MYO7B: variants seen among roughly 807,000 people sequenced by gnomAD.
The protein encoded by MYO7B is myosin VIIB, also known as unconventional myosin-VIIb.
A neutral mutation model predicts 259.7 loss-of-function variants in MYO7B; 212 were observed. That is an observed-to-expected ratio of 0.82 (90% CI 0.73 to 0.91). The LOEUF (loss-of-function observed/expected upper bound fraction) is 0.91, where lower values mean the gene tolerates loss of function less well. Ranked by LOEUF, MYO7B falls within the 40% of genes least tolerant of loss-of-function variation. The pLI is 0.00. For synonymous variants in MYO7B, 1,197 were observed against 1,166.4 expected (o/e 1.03, Z -0.54); for missense variants, 2,732 against 2,813.5 (o/e 0.97, Z 0.66).
Position 127,607,335 on chromosome 2 carries a change from G to A in MYO7B, c.2554G>A (p.Val852Ile). 1 of 1,551,478 alleles carries A rather than the reference G, an allele frequency of 6.4e-7. No homozygotes were observed. Among genetic ancestry groups the A allele is most frequent in the African/African-American group, 1.4e-5 (1 of 73,192 alleles). Residue 852 changes from valine to isoleucine, a missense_variant, in exon 21 of 48, where the codon GTC becomes ATC. Transcript: ENST00000409816. The surrounding 1 kb of genome is among the most constrained non-coding windows in gnomAD (Gnocchi z 4.4). ...CAGGGGATACCTGGTGCGCCAGCAA[G>A]TCCAGGCCAAGAGGAGGGCAGTGGT... is the stretch of plus-strand genomic sequence containing the variant. ...LCRGYLVRQQ[V>I]QAKRRAVVVI...
At position 127,581,971 on chromosome 2, in the gene MYO7B, C is replaced by G. The variant is rs1189578714; in HGVS notation, c.1161C>G (p.Asn387Lys). 6.2e-7 allele frequency: 1 copy of G among 1,613,972 alleles called. No homozygotes were observed. The highest frequency in any genetic ancestry group is 1.1e-5 in the South Asian group (1 of 91,090). The change falls in exon 11 of 48, where the codon AAC becomes AAG. Residue 387 changes from asparagine to lysine, a missense_variant. Around this residue, in one of 3 missense-constraint regions of MYO7B, gnomAD observed 1,906 missense variants for 2,026.4 expected, o/e 0.94. Transcript: ENST00000409816. ...IRGEFVTRSL[N>K]IAQAADRRDA... The stretch of plus-strand genomic sequence containing the variant: ...GGGAATTTGTCACCAGGTCCCTGAA[C>G]ATTGCCCAGGCTGCTGACCGGAGGG...
rs112230898 is a variant in MYO7B, at chr2:127,623,828, C to T, written c.3820-265C>T. 6.5e-3 allele frequency among the ~76,000 whole-genome samples: 990 copies of T among 152,320 alleles called. 12 individuals are homozygous for T. The highest frequency in any genetic ancestry group is 0.021 in the African/African-American group (893 of 41,568). On this transcript the variant is annotated intron_variant, in intron 29 of 47. Transcript: ENST00000409816. ...TCACACACCAGTCATCCAACCGAGG[C>T]GCCGGATGAGTCACATCGGCCAGAC...
Position 127,628,040 on chromosome 2 carries a change from A to C in MYO7B, c.4461-332A>C. On this transcript the variant is annotated intron_variant, in intron 33 of 47. Transcript: ENST00000409816. This position sits in a 1 kb window ranked among gnomAD's most constrained non-coding sequence, Gnocchi z 4.8. ...GAAGCACGCCGAGGTTAGGTGGCTC[A>C]GAGTAAGCACATGGCAGAGCCGGCA... 1.9e-6 allele frequency: 1 copy of C among 529,488 alleles called. No homozygotes were observed. Among genetic ancestry groups the C allele is most frequent in the Non-Finnish European group, 3.6e-6 (1 of 274,648 alleles). The allele number at this position is 529,488 out of a possible 1,614,324, so 32.8% of individuals were successfully genotyped here.
At position 127,551,894 on chromosome 2, in the gene MYO7B, G is replaced by T. The variant is rs12464981; in HGVS notation, c.-23-7806G>T. Among the ~76,000 whole-genome samples the T allele has an allele frequency of 5.3e-5, 8 of 152,112 alleles. No individual in the cohort carries two copies. The East Asian group carries it at 9.7e-4, about 18-fold the overall frequency. ...AAACAGCTGACTGGGGCCTAAAGAA[G>T]GATCTCTGGACACTGCTGAAGGCCT... On this transcript the variant is annotated intron_variant, in intron 1 of 47. Coordinates refer to ENST00000409816, the MANE Select transcript of MYO7B (RefSeq NM_001393586.1).
chr2:127,579,574 ATTTGTTTG>A (rs34233331), intron 9 of MYO7B, among the ~76,000 whole-genome samples: 5 of 150,490 alleles, frequency 3.3e-5, no homozygotes, highest in Non-Finnish European at 5.9e-5. Context: ...CTAACATAAC[ATTTGTTTG>A]TTTGTTTGTT....
chr2:127,570,044 A>C, intron 6 of MYO7B, 134 bp downstream of exon 6: 3 of 1,133,720 alleles, frequency 2.6e-6, no homozygotes, highest in Non-Finnish European at 2.4e-6. Context: ...CACAAAACAC[A>C]AGGGTGGGGT....
chr2:127,596,506 A>G lies in MYO7B; in HGVS notation c.2289A>G (p.Leu763=), dbSNP rs1453993699. ...TGGAGGTACAGAGAAGCCAGGTGCT[A>G]GACAGAGCGGCGCTCAGCATCCAGA... The part of the protein sequence containing the change: ...TLLEVQRSQV[L]DRAALSIQKV... The change falls in exon 19 of 48, where the codon CTA becomes CTG. Residue 763 remains leucine (L), a synonymous_variant. Transcript: ENST00000409816. 1.2e-6 allele frequency: 2 copies of G among 1,613,642 alleles called. No homozygotes were observed. The highest frequency in any genetic ancestry group is 2.7e-5 in the African/African-American group (2 of 74,924).
At chr2:127,542,111 C>T (rs145342340) in intron 1 of MYO7B, among the ~76,000 whole-genome samples, 48 of 152,348 alleles carry the variant, frequency 3.2e-4, no homozygotes, top group Admixed American at 7.2e-4. Context: ...GAGAACATCT[C>T]GCAGGGACAT....
At chr2:127,552,093 A>G (rs962173673) in intron 1 of MYO7B, among the ~76,000 whole-genome samples, 3 of 152,160 alleles carry the variant, frequency 2.0e-5, no homozygotes, top group South Asian at 2.1e-4. Flanking sequence ...CACGTCATGT[A>G]TGCTTCCTTC....
intron 19 of MYO7B, among the ~76,000 whole-genome samples, chr2:127,604,959 A>T (rs1680109184): frequency 6.6e-6 from 1 of 152,266 alleles, no homozygotes. Flanking sequence ...TTATACAGAC[A>T]TGAAGTGACC....
In MYO7B at chr2:127,586,618, A is replaced by G. The variant is rs1007520430; in HGVS notation, c.1690+1705A>G. On this transcript the variant is annotated intron_variant, in intron 14 of 47. Coordinates refer to ENST00000409816, the MANE Select transcript of MYO7B (RefSeq NM_001393586.1). This position sits in a 1 kb window ranked among gnomAD's most constrained non-coding sequence, Gnocchi z 4.8. ...TGCAGGGTCCTGGGACGCAAAGAAG[A>G]TACCGAGCCCATCCTCCATGGGGCA... 6.6e-6 allele frequency among the ~76,000 whole-genome samples: 1 copy of G among 152,180 alleles called. No individual in the cohort carries two copies. The highest frequency in any genetic ancestry group is 1.5e-5 in the Non-Finnish European group (1 of 68,034).
In MYO7B at chr2:127,636,410, A is replaced by G; in HGVS notation, c.6123+86A>G. On this transcript the variant is annotated intron_variant, in intron 45 of 47. Transcript: ENST00000409816. This position sits in a 1 kb window ranked among gnomAD's most constrained non-coding sequence, Gnocchi z 4.5. ...GCAGGCCCAGCGTCAACCAGCACAC[A>G]TCTTGGGTGGGGCTGGCCGTGAGGC... The G allele has an allele frequency of 5.5e-6, 8 of 1,451,172 alleles. No homozygotes were observed. The highest frequency in any genetic ancestry group is 1.4e-5 in the African/African-American group (1 of 71,548). The allele number at this position is 1,451,172 out of a possible 1,614,324, so 89.9% of individuals were successfully genotyped here.
At position 127,612,571 on chromosome 2, in the gene MYO7B, C is replaced by T. The variant is rs376503815; in HGVS notation, c.3366C>T (p.Ile1122=). The T allele has an allele frequency of 5.0e-5, 80 of 1,607,048 alleles. No homozygotes were observed. Among genetic ancestry groups the T allele is most frequent in the Non-Finnish European group, 6.4e-5 (75 of 1,177,152 alleles). ...CCAACCTGGAGAAGGTGCACTTCAT[C>T]GTGGGCTACGCCATCCTGCGGCCCA... ...PMSNLEKVHF[I]VGYAILRPSL... is the part of the protein sequence containing the mutation. The change falls in exon 26 of 48, where the codon ATC becomes ATT. Residue 1122 remains isoleucine, a synonymous_variant. Transcript: ENST00000409816.
chr2:127,575,025 C>T (rs949512708), intron 7 of MYO7B, among the ~76,000 whole-genome samples: 1 of 152,124 alleles, frequency 6.6e-6, no homozygotes, highest in Non-Finnish European at 1.5e-5. Context: ...AATGAGTGCA[C>T]ACACACAGAA....
At position 127,576,576 on chromosome 2, in the gene MYO7B, T is replaced by A; in HGVS notation, c.736-19T>A. ...GAATGGCTCATGAATCTGTCTGGAA[T>A]GCCCTCCCTCCCTCCCAGGCTCCCG... On this transcript the variant is annotated intron_variant, in intron 7 of 47. Coordinates refer to ENST00000409816, the MANE Select transcript of MYO7B (RefSeq NM_001393586.1). This position sits in a 1 kb window ranked among gnomAD's most constrained non-coding sequence, Gnocchi z 4.9. 3 of 1,472,984 alleles carry A rather than the reference T, an allele frequency of 2.0e-6. No individual in the cohort carries two copies. The highest frequency in any genetic ancestry group is 2.8e-6 in the Non-Finnish European group (3 of 1,063,360). 91.2% of individuals were successfully genotyped at this position (1,472,984 alleles called of 1,614,324 possible). A position where few individuals can be genotyped will look rare whatever the true frequency, so the allele number is the denominator to read the frequency against.
intron 28 of MYO7B, 112 bp downstream of exon 28, chr2:127,622,213 C>G: frequency 7.3e-7 from 1 of 1,373,872 alleles, no homozygotes; most frequent in Non-Finnish European, 9.6e-7. Context: ...GTCCTCTGAG[C>G]CCCGCCATCT....
Position 127,590,114 on chromosome 2 carries a change from C to G in MYO7B, c.1877C>G (p.Pro626Arg), listed in dbSNP as rs148645893. ...CAGTCTGCAGACTCAAATAAACGGCCCTCCACCTTAGGAAGCCAGTTCAAA... is the reference window on the plus strand; with the variant it reads ...CAGTCTGCAGACTCAAATAAACGGCGCTCCACCTTAGGAAGCCAGTTCAAA... ...LFKSADSNKR[P>R]STLGSQFKQS... Residue 626 changes from proline (P) to arginine (R), a missense_variant, in exon 16 of 48, where the codon CCC becomes CGC. Coordinates refer to ENST00000409816, the MANE Select transcript of MYO7B (RefSeq NM_001393586.1). The surrounding 1 kb of genome is among the most constrained non-coding windows in gnomAD (Gnocchi z 4.6). The G allele has an allele frequency of 6.3e-7, 1 of 1,594,368 alleles. No individual in the cohort carries two copies. Among genetic ancestry groups the G allele is most frequent in the Non-Finnish European group, 8.5e-7 (1 of 1,170,918 alleles).
At chr2:127,602,110 T>A (rs950472464) in intron 19 of MYO7B, among the ~76,000 whole-genome samples, 1 of 152,228 alleles carries the variant, frequency 6.6e-6, no homozygotes. Flanking sequence ...TATTTAAAAA[T>A]TTTTAAGTAT....
chr2:127,601,040 C>T (rs1679948976), intron 19 of MYO7B, among the ~76,000 whole-genome samples: 1 of 152,238 alleles, frequency 6.6e-6, no homozygotes, highest in Admixed American at 6.5e-5. Context: ...CATTCACTTT[C>T]ACTCAGAAGA....
Sources: allele counts gnomAD v4.1 joint callset (sites outside exome capture counted in the v4.1 genomes callset), GRCh38; gene constraint gnomAD v4.1.1; regional missense constraint gnomAD v4.1.1; non-coding constraint Gnocchi (gnomAD v3.1); transcripts MANE v1.5; gene names NCBI Gene and HGNC (gene_info 2026-07-23, HGNC 2026-07-21).